The following ATP10B variants were observed in gnomAD, a reference collection of about 807,000 sequenced individuals.
ATP10B encodes the protein phospholipid-transporting ATPase VB.
ATP10B carries 122 observed loss-of-function variants against 141.2 expected under a neutral mutation model. The observed-to-expected ratio is 0.86, with a 90% CI of 0.75 to 1.00. The LOEUF (loss-of-function observed/expected upper bound fraction) is 1.00. Ranked by LOEUF, ATP10B falls within the 50% of genes least tolerant of loss-of-function variation. ATP10B has a pLI of 0.00. For missense variants in ATP10B, 1,876 were observed against 1,825.3 expected (o/e 1.03, Z -0.51); for synonymous variants, 685 against 692.0 (o/e 0.99, Z 0.16).
intron 1 of ATP10B, among the ~76,000 whole-genome samples, chr5:160,798,162 A>C (rs1772098138): frequency 6.6e-6 from 1 of 152,084 alleles, no homozygotes; most frequent in Admixed American, 6.5e-5. Context: ...TTGGAAGTTC[A>C]AAGGGACTAA....
chr5:160,897,017 A>T, the ATP10B span, among the ~76,000 whole-genome samples: 1 of 152,222 alleles, frequency 6.6e-6, no homozygotes, highest in African/African-American at 2.4e-5. Context: ...ACCTCTCAAT[A>T]AACTAGGTAC....
the ATP10B span, among the ~76,000 whole-genome samples, chr5:160,866,665 A>C: frequency 2.0e-5 from 3 of 152,102 alleles, no homozygotes; most frequent in Non-Finnish European, 4.4e-5. Context: ...CAAGAGCAAA[A>C]CCCTGTCTCA....
At chr5:160,863,287 C>T in the ATP10B span, among the ~76,000 whole-genome samples, 1 of 151,662 alleles carries the variant, frequency 6.6e-6, no homozygotes, top group African/African-American at 2.4e-5. Flanking sequence ...ATGGTTACAA[C>T]ACAGAAAGGT....
At chr5:160,618,453 A>G (rs1041256310) in intron 15 of ATP10B, among the ~76,000 whole-genome samples, 1 of 152,174 alleles carries the variant, frequency 6.6e-6, no homozygotes, top group Non-Finnish European at 1.5e-5. Context: ...TTGAGGTCTT[A>G]TATCAAATTA....
At chr5:160,582,242 C>T (rs984070915) in intron 24 of ATP10B, among the ~76,000 whole-genome samples, 1 of 152,300 alleles carries the variant, frequency 6.6e-6, no homozygotes, top group South Asian at 2.1e-4. Flanking sequence ...TTCATAGTGT[C>T]AATGGTCTTT....
intron 1 of ATP10B, among the ~76,000 whole-genome samples, chr5:160,849,170 C>G (rs1346568669): frequency 6.6e-6 from 1 of 152,110 alleles, no homozygotes. Flanking sequence ...CATACGGTAG[C>G]ATGTGTGTGA....
rs60078265 is a variant in ATP10B, at chr5:160,823,001, CATAT to C, written c.-576+28936_-576+28939del. ...AAAATTACATATACATATATATATA[CATAT>C]ATATATATATATATATATATATATA... On this transcript the variant is annotated intron_variant, in intron 1 of 25. Coordinates refer to ENST00000327245, the MANE Select transcript of ATP10B (RefSeq NM_025153.3). Among the ~76,000 whole-genome samples, 129 of 34,488 alleles carry C rather than the reference CATAT, an allele frequency of 3.7e-3. 3 individuals carry two copies. Among genetic ancestry groups the C allele is most frequent in the African/African-American group, 0.011 (120 of 10,712 alleles). The allele number at this position is 34,488 out of a possible 152,430, so 22.6% of individuals were successfully genotyped here.
intron 17 of ATP10B, among the ~76,000 whole-genome samples, chr5:160,613,596 G>A (rs1757845839): frequency 6.6e-6 from 1 of 152,234 alleles, no homozygotes; most frequent in South Asian, 2.1e-4. Flanking sequence ...GGACTGCAGA[G>A]GAGAGGCAGC....
Position 160,704,914 on chromosome 5 carries a change from CTT to C in ATP10B, c.-205+11993_-205+11994del, listed in dbSNP as rs1170629163. 2.9e-4 allele frequency among the ~76,000 whole-genome samples: 24 copies of C among 83,634 alleles called. No homozygotes were observed. The Middle Eastern group carries it at 0.049, about 170-fold the overall frequency. The allele number at this position is 83,634 out of a possible 152,430, so 54.9% of individuals were successfully genotyped here. On this transcript the variant is annotated intron_variant, in intron 3 of 25. Coordinates refer to ENST00000327245, the MANE Select transcript of ATP10B (RefSeq NM_025153.3). The stretch of plus-strand genomic sequence containing the variant: ...TGCTAGCTTCCAACATTTCTTTCAT[CTT>C]TTTTTTTTTTTTTTTTTTTGTTGAG...
At chr5:160,804,416 T>C (rs1212468363) in intron 1 of ATP10B, among the ~76,000 whole-genome samples, 2 of 152,342 alleles carry the variant, frequency 1.3e-5, no homozygotes, top group East Asian at 1.9e-4. Flanking sequence ...TAAATGAACT[T>C]GAGTTCATAC....
At chr5:160,657,085 G>A (rs1761565354) in intron 7 of ATP10B, among the ~76,000 whole-genome samples, 1 of 152,148 alleles carries the variant, frequency 6.6e-6, no homozygotes, top group African/African-American at 2.4e-5. Context: ...ACTGTGCCAA[G>A]GAATAGGGGT....
chr5:160,715,813 G>A (rs1765609674), intron 3 of ATP10B, among the ~76,000 whole-genome samples: 3 of 151,840 alleles, frequency 2.0e-5, no homozygotes, highest in Middle Eastern at 3.2e-3. Flanking sequence ...CTAGGTTCAA[G>A]CAATTCTCTG....
At chr5:160,881,012 C>T in the ATP10B span, among the ~76,000 whole-genome samples, 4 of 152,046 alleles carry the variant, frequency 2.6e-5, no homozygotes, top group Non-Finnish European at 4.4e-5. Flanking sequence ...AAGACATAGA[C>T]TGGGAGGAAA....
upstream of ATP10B, among the ~76,000 whole-genome samples, chr5:160,855,502 G>A (rs1383723361): frequency 4.0e-5 from 6 of 150,088 alleles, no homozygotes; most frequent in Non-Finnish European, 7.4e-5. Context: ...AGTTTTGAGT[G>A]TTCTTTATAT....
chr5:160,663,395 C>T (rs544490992), intron 7 of ATP10B, among the ~76,000 whole-genome samples: 5 of 152,134 alleles, frequency 3.3e-5, no homozygotes, highest in East Asian at 1.9e-4. Context: ...AACCCAAATG[C>T]CCAACAATGA....
chr5:160,827,163 AAT>A (rs1774674735), intron 1 of ATP10B, among the ~76,000 whole-genome samples: 1 of 152,186 alleles, frequency 6.6e-6, no homozygotes, highest in Admixed American at 6.5e-5. Context: ...TGGTCCTACC[AAT>A]ATGTGATGTC....
At chr5:160,590,378 A>G (rs182822963) in intron 23 of ATP10B, among the ~76,000 whole-genome samples, 9 of 152,288 alleles carry the variant, frequency 5.9e-5, no homozygotes, top group Admixed American at 5.9e-4. Flanking sequence ...CTTGCTAATT[A>G]TGAAAGAATA....
intron 2 of ATP10B, among the ~76,000 whole-genome samples, chr5:160,720,583 G>A (rs1581412409): frequency 6.6e-6 from 1 of 152,310 alleles, no homozygotes; most frequent in South Asian, 2.1e-4. Flanking sequence ...TCCTTGTTGT[G>A]TGATATAAAA....
chr5:160,692,792 T>C (rs1764145240), intron 3 of ATP10B: 1 of 152,208 alleles, frequency 6.6e-6, no homozygotes, highest in Non-Finnish European at 1.5e-5. Flanking sequence ...TCTAAAACTC[T>C]TATAAACTTT....
Sources: allele counts gnomAD v4.1 joint callset (sites outside exome capture counted in the v4.1 genomes callset), GRCh38; gene constraint gnomAD v4.1.1; transcripts MANE v1.5; gene names NCBI Gene and HGNC (gene_info 2026-07-23, HGNC 2026-07-21).